Variants in PCDH9 observed in about 807,000 individuals in gnomAD.
The protein encoded by PCDH9 is protocadherin-9.
Under a neutral mutation model 70.6 loss-of-function variants are expected in PCDH9, and 24 were observed. The ratio of observed to expected loss-of-function variants is 0.34; its 90% CI spans 0.25 to 0.48. PCDH9 has a LOEUF of 0.48. PCDH9 is among the 20% of genes least tolerant of loss of function. The pLI, the probability that PCDH9 is intolerant of heterozygous loss-of-function variation, is 0.99. For synonymous variants in PCDH9, 562 were observed against 558.5 expected (o/e 1.01, Z -0.09); for missense variants, 1,281 against 1,503.6 (o/e 0.85, Z 2.45).
At chr13:67,197,526 C>T (rs868564999) in intron 2 of PCDH9, among the ~76,000 whole-genome samples, 2 of 151,816 alleles carry the variant, frequency 1.3e-5, no homozygotes, top group Non-Finnish European at 2.9e-5. Context: ...CCACAGGCTC[C>T]GGGAAGATTT....
chr13:67,185,927 T>C (rs1172806115), intron 2 of PCDH9, among the ~76,000 whole-genome samples: 4 of 152,106 alleles, frequency 2.6e-5, no homozygotes, highest in African/African-American at 9.7e-5. Context: ...AGACAGGGTT[T>C]CTCCAAGTTG....
intron 4 of PCDH9, among the ~76,000 whole-genome samples, chr13:66,333,221 A>G (rs1182738375): frequency 6.6e-6 from 1 of 151,514 alleles, no homozygotes; most frequent in Admixed American, 6.6e-5. Context: ...TGAAGGAACA[A>G]GAATAATGTA....
intron 3 of PCDH9, among the ~76,000 whole-genome samples, chr13:66,762,742 C>A (rs2079649320): frequency 1.3e-5 from 2 of 151,850 alleles, no homozygotes; most frequent in Admixed American, 1.3e-4. Flanking sequence ...CTAAACAGAT[C>A]ATTTCTAGGT....
intron 4 of PCDH9, among the ~76,000 whole-genome samples, chr13:66,614,801 G>A (rs1174883922): frequency 6.6e-6 from 1 of 152,200 alleles, no homozygotes; most frequent in Non-Finnish European, 1.5e-5. Flanking sequence ...GTTTTGCCAT[G>A]AGAGTACATT....
At chr13:66,393,756 A>G (rs765828425) in intron 4 of PCDH9, among the ~76,000 whole-genome samples, 2 of 152,224 alleles carry the variant, frequency 1.3e-5, no homozygotes, top group Non-Finnish European at 2.9e-5. Context: ...ACTTGTTTCC[A>G]GAGGTGATGC....
chr13:66,361,848 T>C (rs1370966134), intron 4 of PCDH9, among the ~76,000 whole-genome samples: 1 of 152,206 alleles, frequency 6.6e-6, no homozygotes, highest in Admixed American at 6.5e-5. Flanking sequence ...GATTAATGTT[T>C]GAGCAGGTAT....
intron 3 of PCDH9, among the ~76,000 whole-genome samples, chr13:66,690,303 C>A (rs901703896): frequency 6.6e-6 from 1 of 151,814 alleles, no homozygotes; most frequent in Non-Finnish European, 1.5e-5. Context: ...ATGATATAGG[C>A]AAATATAGAA....
At chr13:66,840,693 A>T (rs2081101279) in intron 3 of PCDH9, among the ~76,000 whole-genome samples, 1 of 152,330 alleles carries the variant, frequency 6.6e-6, no homozygotes, top group South Asian at 2.1e-4. Context: ...ATTTCACTCT[A>T]GTAGGGCAGT....
At chr13:66,681,644 C>CTAGT (rs1359233507) in intron 3 of PCDH9, among the ~76,000 whole-genome samples, 1 of 152,032 alleles carries the variant, frequency 6.6e-6, no homozygotes, top group African/African-American at 2.4e-5. Flanking sequence ...TTTGAACATG[C>CTAGT]TAGTTCCTTT....
At chr13:67,133,609 C>CTGGTCT (rs1193913789) in intron 2 of PCDH9, among the ~76,000 whole-genome samples, 2 of 151,964 alleles carry the variant, frequency 1.3e-5, no homozygotes, top group African/African-American at 4.8e-5. Flanking sequence ...ACCTAGAACC[C>CTGGTCT]TGGTCTATAT....
intron 3 of PCDH9, among the ~76,000 whole-genome samples, chr13:66,642,638 C>T (rs571677084): frequency 6.6e-5 from 10 of 151,980 alleles, no homozygotes; most frequent in African/African-American, 1.9e-4. Flanking sequence ...TTGCCTTTCA[C>T]GACCTGATTT....
At chr13:66,634,097 T>C (rs1403959791) in intron 3 of PCDH9, among the ~76,000 whole-genome samples, 1 of 152,210 alleles carries the variant, frequency 6.6e-6, no homozygotes, top group East Asian at 1.9e-4. Context: ...GTAAATTTAC[T>C]ATAAATTATT....
chr13:66,944,644 T>G (rs986641000), intron 2 of PCDH9, among the ~76,000 whole-genome samples: 1 of 152,190 alleles, frequency 6.6e-6, no homozygotes, highest in Non-Finnish European at 1.5e-5. Context: ...ACACACTTTA[T>G]GCTATGCTTA....
intron 4 of PCDH9, among the ~76,000 whole-genome samples, chr13:66,590,920 T>C (rs2077031274): frequency 6.6e-6 from 1 of 151,802 alleles, no homozygotes; most frequent in Admixed American, 6.6e-5. Context: ...TTTTCTTTCT[T>C]TTAAATATCA....
intron 2 of PCDH9, among the ~76,000 whole-genome samples, chr13:67,016,312 C>T (rs17082030): frequency 0.046 from 6,937 of 152,230 alleles, 282 homozygotes; most frequent in African/African-American, 0.11. Context: ...AACACTTACT[C>T]TGAATTTCCG....
intron 4 of PCDH9, among the ~76,000 whole-genome samples, chr13:66,376,455 T>C (rs529054837): frequency 2.6e-4 from 40 of 152,280 alleles, no homozygotes; most frequent in African/African-American, 9.4e-4. Flanking sequence ...GTTCTCCTTA[T>C]AATAATGTAA....
At chr13:67,041,412 G>T (rs1766382369) in intron 2 of PCDH9, among the ~76,000 whole-genome samples, 1 of 152,156 alleles carries the variant, frequency 6.6e-6, no homozygotes, top group Non-Finnish European at 1.5e-5. Flanking sequence ...ATGAAAAGCA[G>T]TATTACTTAC....
At chr13:67,165,204 T>A (rs1224993549) in intron 2 of PCDH9, among the ~76,000 whole-genome samples, 4 of 152,162 alleles carry the variant, frequency 2.6e-5, no homozygotes, top group African/African-American at 9.7e-5. Context: ...TGAATTGTAC[T>A]GATGAATAAA....
chr13:66,770,744 T>G (rs1200225067), intron 3 of PCDH9, among the ~76,000 whole-genome samples: 4 of 152,250 alleles, frequency 2.6e-5, no homozygotes, highest in Non-Finnish European at 5.9e-5. Flanking sequence ...TAGCAATAGC[T>G]CTTTTTCCTG....
Sources: allele counts gnomAD v4.1 joint callset (sites outside exome capture counted in the v4.1 genomes callset), GRCh38; gene constraint gnomAD v4.1.1; transcripts MANE v1.5; gene names NCBI Gene and HGNC (gene_info 2026-07-23, HGNC 2026-07-21).